Variants in ARHGAP15 observed in about 807,000 individuals in gnomAD.
ARHGAP15 encodes the protein rho GTPase-activating protein 15.
ARHGAP15 carries 51 observed loss-of-function variants against 63.7 expected under a neutral mutation model. That is an observed-to-expected ratio of 0.80 (90% CI 0.64 to 1.01). The LOEUF (loss-of-function observed/expected upper bound fraction) is 1.01, where lower values mean the gene tolerates loss of function less well. ARHGAP15 is among the 50% of genes least tolerant of loss of function. The pLI, the probability that ARHGAP15 is intolerant of heterozygous loss-of-function variation, is 0.00. For missense variants in ARHGAP15, 560 were observed against 564.6 expected (o/e 0.99, Z 0.08); for synonymous variants, 191 against 193.8 (o/e 0.99, Z 0.12).
intron 12 of ARHGAP15, among the ~76,000 whole-genome samples, chr2:143,627,419 A>G (rs1197060483): frequency 6.6e-6 from 1 of 152,192 alleles, no homozygotes; most frequent in Non-Finnish European, 1.5e-5. Flanking sequence ...GTTGTAATTC[A>G]TATTTAAATA....
At chr2:143,510,128 A>G (rs895663288) in intron 9 of ARHGAP15, among the ~76,000 whole-genome samples, 62 of 151,918 alleles carry the variant, frequency 4.1e-4, no homozygotes, top group African/African-American at 1.4e-3. Context: ...AATGTAATTT[A>G]TAGTTTAAAA....
intron 6 of ARHGAP15, among the ~76,000 whole-genome samples, chr2:143,314,759 A>G (rs1683617908): frequency 7.1e-6 from 1 of 140,662 alleles, no homozygotes; most frequent in South Asian, 2.1e-4. Flanking sequence ...TGAAAGGATA[A>G]TGACCTTGCA....
chr2:143,345,441 A>G (rs1685227522), intron 6 of ARHGAP15, among the ~76,000 whole-genome samples: 1 of 152,124 alleles, frequency 6.6e-6, no homozygotes, highest in Non-Finnish European at 1.5e-5. Context: ...ACTTCTTGCA[A>G]TATTCCAAAG....
chr2:143,155,640 G>C lies in ARHGAP15; in HGVS notation c.150G>C (p.Gly50=), dbSNP rs777125709. ...QSKSMILTDV[G]KVTEPISRHR... ...AATCCATGATCCTCACCGATGTCGG[G>C]AAGGTCACTGAACCTGTAAGTCAAA... Residue 50 remains glycine (G), a synonymous_variant, in exon 2 of 14, where the codon GGG becomes GGC. Coordinates refer to ENST00000295095, the MANE Select transcript of ARHGAP15 (RefSeq NM_018460.4). 1 of 1,570,616 alleles carries C rather than the reference G, an allele frequency of 6.4e-7. No homozygotes were observed. Among genetic ancestry groups the C allele is most frequent in the Non-Finnish European group, 8.6e-7 (1 of 1,163,510 alleles).
intron 9 of ARHGAP15, 67 bp from the exon 10 acceptor site, chr2:143,519,199 A>G: frequency 8.0e-7 from 1 of 1,245,742 alleles, no homozygotes; most frequent in Non-Finnish European, 1.2e-6. Flanking sequence ...GGATATGGAA[A>G]CGGAATCAAA....
intron 6 of ARHGAP15, among the ~76,000 whole-genome samples, chr2:143,401,621 T>C (rs1687991424): frequency 6.6e-6 from 1 of 152,036 alleles, no homozygotes; most frequent in African/African-American, 2.4e-5. Flanking sequence ...CAAAATATTT[T>C]TTTAGAGTGT....
intron 2 of ARHGAP15, among the ~76,000 whole-genome samples, chr2:143,160,451 C>T (rs144941305): frequency 1.5e-3 from 224 of 152,076 alleles, no homozygotes; most frequent in African/African-American, 5.3e-3. Flanking sequence ...GATATGACTA[C>T]ACAATAATGT....
intron 13 of ARHGAP15, among the ~76,000 whole-genome samples, chr2:143,713,186 A>G (rs1044746350): frequency 6.6e-6 from 1 of 152,180 alleles, no homozygotes; most frequent in Admixed American, 6.5e-5. Flanking sequence ...TTACAGTTCC[A>G]CGTGGCTGAG....
intron 7 of ARHGAP15, 75 bp downstream of exon 7, chr2:143,435,774 C>A: frequency 7.3e-7 from 1 of 1,373,902 alleles, no homozygotes; most frequent in Non-Finnish European, 1.0e-6. Context: ...AGGCATATAA[C>A]ACACACACTC....
chr2:143,516,750 G>T (rs1693837460), intron 9 of ARHGAP15, among the ~76,000 whole-genome samples: 1 of 152,048 alleles, frequency 6.6e-6, no homozygotes, highest in Non-Finnish European at 1.5e-5. Context: ...TTTTTTCCTA[G>T]ATAATATTTT....
intron 6 of ARHGAP15, among the ~76,000 whole-genome samples, chr2:143,331,093 A>C (rs921945478): frequency 6.6e-5 from 10 of 152,220 alleles, no homozygotes; most frequent in Non-Finnish European, 1.2e-4. Flanking sequence ...TAGGAAGATC[A>C]GATGTGAATG....
chr2:143,597,738 T>C (rs1284800324), intron 11 of ARHGAP15, among the ~76,000 whole-genome samples: 2 of 152,170 alleles, frequency 1.3e-5, no homozygotes, highest in Non-Finnish European at 1.5e-5. Flanking sequence ...ACAAAAACAA[T>C]TTCAAGCAAA....
At chr2:143,397,568 CGAA>C (rs201969101) in intron 6 of ARHGAP15, among the ~76,000 whole-genome samples, 1 of 150,730 alleles carries the variant, frequency 6.6e-6, no homozygotes, top group Non-Finnish European at 1.5e-5. Context: ...CAAAAAAAAA[CGAA>C]GAAGAAATAA....
At chr2:143,556,270 A>G (rs1695793657) in intron 10 of ARHGAP15, 138 bp from the exon 11 acceptor site, 3 of 581,252 alleles carry the variant, frequency 5.2e-6, no homozygotes, top group Non-Finnish European at 8.9e-6. Flanking sequence ...AATTTTGAAG[A>G]TTGCATAATT....
chr2:143,409,361 T>C (rs1170701616), intron 6 of ARHGAP15, among the ~76,000 whole-genome samples: 2 of 151,982 alleles, frequency 1.3e-5, no homozygotes, highest in Non-Finnish European at 2.9e-5. Context: ...TAGAATCTTA[T>C]TAATTTATGT....
In ARHGAP15 at chr2:143,337,388, ATGT is replaced by A. The variant is rs1350359267; in HGVS notation, c.474+86793_474+86795del. On this transcript the variant is annotated intron_variant, in intron 6 of 13. Coordinates refer to ENST00000295095, the MANE Select transcript of ARHGAP15 (RefSeq NM_018460.4). ...AAATGACTCAAGGCAGTGCAGCATG[ATGT>A]TGTTTTTTTGGCATGTGGTATTGTT... 5.3e-5 allele frequency among the ~76,000 whole-genome samples: 8 copies of A among 152,248 alleles called. No individual in the cohort carries two copies. In the Middle Eastern group the frequency reaches 0.01, roughly 194 times the overall value.
chr2:143,374,472 C>T (rs1686715830), intron 6 of ARHGAP15, among the ~76,000 whole-genome samples: 1 of 151,980 alleles, frequency 6.6e-6, no homozygotes, highest in Non-Finnish European at 1.5e-5. Flanking sequence ...CGTAAATCCA[C>T]CCTATGACCA....
intron 11 of ARHGAP15, among the ~76,000 whole-genome samples, chr2:143,616,018 T>G (rs911617531): frequency 6.6e-6 from 1 of 152,188 alleles, no homozygotes; most frequent in African/African-American, 2.4e-5. Flanking sequence ...TACATCAATT[T>G]TTTTTTATGA....
At chr2:143,180,779 T>C (rs562412169) in intron 2 of ARHGAP15, among the ~76,000 whole-genome samples, 25 of 152,290 alleles carry the variant, frequency 1.6e-4, no homozygotes, top group Middle Eastern at 6.8e-3. Context: ...GTTCACTGCA[T>C]TGTCCTGCCT....
Sources: allele counts gnomAD v4.1 joint callset (sites outside exome capture counted in the v4.1 genomes callset), GRCh38; gene constraint gnomAD v4.1.1; transcripts MANE v1.5; gene names NCBI Gene and HGNC (gene_info 2026-07-23, HGNC 2026-07-21).